ZNF778: variants seen among roughly 807,000 people sequenced by gnomAD.
ZNF778 encodes zinc finger protein 778.
In ZNF778, 37 loss-of-function variants were observed where a neutral mutation model predicts 23.9. The ratio of observed to expected loss-of-function variants is 1.54; its 90% CI spans 1.19 to 2.03. The LOEUF is 2.03. ZNF778 is among the 30% of genes most tolerant of loss of function. The pLI, the probability that ZNF778 is intolerant of heterozygous loss-of-function variation, is 0.00. For synonymous variants in ZNF778, 483 were observed against 343.9 expected, an observed-to-expected ratio of 1.40 and a Z score of -4.48; for missense variants, 1,297 against 934.4, an observed-to-expected ratio of 1.39 and a Z score of -5.06.
rs1330443605 is a variant in ZNF778, at chr16:89,232,035, A to G, written c.*3473A>G. The G allele has an allele frequency of 6.5e-6, 1 of 154,034 alleles. No individual in the cohort carries two copies. Among genetic ancestry groups the G allele is most frequent in the African/African-American group, 2.4e-5 (1 of 41,314 alleles). 9.5% of individuals were successfully genotyped at this position (154,034 alleles called of 1,614,324 possible). A position where few individuals can be genotyped will look rare whatever the true frequency, so the allele number is the denominator to read the frequency against. On this transcript the variant is annotated 3_prime_UTR_variant, in exon 7 of 7. Transcript: ENST00000433976. The stretch of plus-strand genomic sequence containing the variant: ...AAGTGATTTTCTTGAGTAATACCAT[A>G]TGCTGTGATGTGGATGTGATTGGTT...
In ZNF778 at chr16:89,233,011, G is replaced by A. The variant is rs979989056; in HGVS notation, c.*4449G>A. 4.9e-5 allele frequency: 62 copies of A among 1,272,160 alleles called. 1 individual carries two copies. Among genetic ancestry groups the A allele is most frequent in the African/African-American group, 9.3e-5 (6 of 64,282 alleles). The allele number at this position is 1,272,160 out of a possible 1,614,324, so 78.8% of individuals were successfully genotyped here. ...GCGTATGCAACCCAGCTCGCTCTGC[G>A]TATGCAACTCAAGTCGCACTGCGTA... On this transcript the variant is annotated 3_prime_UTR_variant, in exon 7 of 7. Transcript: ENST00000433976.
chr16:89,227,762 C>T lies in ZNF778; in HGVS notation c.1474C>T (p.Leu492=). The T allele has an allele frequency of 1.2e-6, 2 of 1,613,118 alleles. No individual in the cohort carries two copies. The highest frequency in any genetic ancestry group is 1.7e-6 in the Non-Finnish European group (2 of 1,179,220). Residue 492 remains leucine, a synonymous_variant, in exon 7 of 7, where the codon CTG becomes TTG. Coordinates refer to ENST00000433976, the MANE Select transcript of ZNF778 (RefSeq NM_001201407.2). ...GAAATCCTTCACTGTTTCTTCAAGCCTGACTGAGCACGCGAGAATCCATAC... is the reference window on the plus strand; with the variant it reads ...GAAATCCTTCACTGTTTCTTCAAGCTTGACTGAGCACGCGAGAATCCATAC... ...CGKSFTVSSS[L]TEHARIHTGE...
chr16:89,228,587 A>C lies in ZNF778; in HGVS notation c.*25A>C, dbSNP rs775321047. The C allele has an allele frequency of 1.9e-5, 29 of 1,543,528 alleles. No individual in the cohort carries two copies. The highest frequency in any genetic ancestry group is 2.3e-5 in the Non-Finnish European group (26 of 1,151,378). On this transcript the variant is annotated 3_prime_UTR_variant, in exon 7 of 7. Coordinates refer to ENST00000433976, the MANE Select transcript of ZNF778 (RefSeq NM_001201407.2). ...ATGTAAAGAATGTGGGGAAGCTGTC[A>C]GCTACACTCATTCACGTTGAAGACA...
At chr16:89,226,387 T>C (rs1597358223) in intron 6 of ZNF778, among the ~76,000 whole-genome samples, 1 of 152,196 alleles carries the variant, frequency 6.6e-6, no homozygotes, top group African/African-American at 2.4e-5. Flanking sequence ...GTATTTTTAA[T>C]AGAGACGGGG....
intron 3 of ZNF778, among the ~76,000 whole-genome samples, chr16:89,222,937 C>G (rs556749972): frequency 7.0e-6 from 1 of 142,792 alleles, no homozygotes; most frequent in Non-Finnish European, 1.5e-5. Context: ...AGGAGCGCGA[C>G]AGGGCACGCG....
At chr16:89,224,518 C>G in intron 4 of ZNF778, 1 of 475,642 alleles carries the variant, frequency 2.1e-6, no homozygotes, top group South Asian at 2.4e-5. Context: ...ACTTAGGAGG[C>G]TGAGGCAAGA....
rs757507202 is a variant in ZNF778 at position 89,226,719 on chromosome 16, T to C, written c.431T>C (p.Leu144Pro). ...QTARSHNGGQ[L>P]CDRTQCGEAF... Reference sequence around the variant, plus strand: ...GCAAGAAGCCACAATGGAGGGCAGCTCTGTGACCGCACGCAGTGTGGAGAA... The same window carrying C: ...GCAAGAAGCCACAATGGAGGGCAGCCCTGTGACCGCACGCAGTGTGGAGAA... Residue 144 changes from leucine to proline, a missense_variant, in exon 7 of 7, where the codon CTC becomes CCC. Coordinates refer to ENST00000433976, the MANE Select transcript of ZNF778 (RefSeq NM_001201407.2). 3.1e-6 allele frequency: 5 copies of C among 1,612,916 alleles called. No individual in the cohort carries two copies. Among genetic ancestry groups the C allele is most frequent in the Non-Finnish European group, 4.2e-6 (5 of 1,179,124 alleles).
rs61078268 is a variant in ZNF778, at chr16:89,232,792, C to G, written c.*4230C>G. On this transcript the variant is annotated 3_prime_UTR_variant, in exon 7 of 7. Transcript: ENST00000433976. ...TACAAATCAACTCACTGCATATGCA[C>G]ATCAACTCACTGCATATGCAACTCA... 150 of 1,272,586 alleles carry G rather than the reference C, an allele frequency of 1.2e-4. 1 individual carries two copies. The South Asian group carries it at 1.6e-3, about 13-fold the overall frequency. 78.8% of individuals were successfully genotyped at this position (1,272,586 alleles called of 1,614,324 possible). A position where few individuals can be genotyped will look rare whatever the true frequency, so the allele number is the denominator to read the frequency against.
chr16:89,225,785 G>A (rs1211398189), intron 6 of ZNF778, among the ~76,000 whole-genome samples, 154 bp downstream of exon 6: 1 of 152,194 alleles, frequency 6.6e-6, no homozygotes, highest in African/African-American at 2.4e-5. Flanking sequence ...TGCGGAATTT[G>A]GGAGGACCTC....
rs1473502727 is a variant in ZNF778, at chr16:89,222,095, G to A, written c.29G>A (p.Gly10Asp). The change falls in exon 3 of 7, where the codon GGT becomes GAT. Residue 10 changes from glycine to aspartate, a missense_variant. By Grantham distance (94) the Gly-to-Asp change is moderately conservative. Coordinates refer to ENST00000433976, the MANE Select transcript of ZNF778 (RefSeq NM_001201407.2). MAAPDLAHG[G>D]HVSRDSVCLH... ...TCTTGCCTTCTTTGTTTTTTAGGAG[G>A]TCATGTTTCTAGGGACTCAGTCTGC... is the stretch of plus-strand genomic sequence containing the variant. The A allele has an allele frequency of 1.9e-6, 3 of 1,593,722 alleles. No individual in the cohort carries two copies. Among genetic ancestry groups the A allele is most frequent in the African/African-American group, 1.4e-5 (1 of 74,072 alleles).
rs1271246527 is a variant in ZNF778, at chr16:89,230,840, C to T, written c.*2278C>T. ...ATCCTGGATGGACAGACCCGTGCAC[C>T]TTCATATTACGTGTTTGAAATCCTG... On this transcript the variant is annotated 3_prime_UTR_variant, in exon 7 of 7. Coordinates refer to ENST00000433976, the MANE Select transcript of ZNF778 (RefSeq NM_001201407.2). The T allele has an allele frequency of 6.6e-6, 1 of 152,236 alleles. No homozygotes were observed. The highest frequency in any genetic ancestry group is 6.5e-5 in the Admixed American group (1 of 15,274). 9.4% of individuals were successfully genotyped at this position (152,236 alleles called of 1,614,324 possible). A position where few individuals can be genotyped will look rare whatever the true frequency, so the allele number is the denominator to read the frequency against.
rs1281554697 is a variant in ZNF778 at position 89,230,202 on chromosome 16, C to G, written c.*1640C>G. On this transcript the variant is annotated 3_prime_UTR_variant, in exon 7 of 7. Coordinates refer to ENST00000433976, the MANE Select transcript of ZNF778 (RefSeq NM_001201407.2). The stretch of plus-strand genomic sequence containing the variant: ...ATACCTGATCCCTTCAGATAAAACA[C>G]CAGGGTGCAAGGAGGGGCAGAGTGG... 2.6e-6 allele frequency: 1 copy of G among 386,396 alleles called. No individual in the cohort carries two copies. Among genetic ancestry groups the G allele is most frequent in the Non-Finnish European group, 3.5e-6 (1 of 282,824 alleles). The allele number at this position is 386,396 out of a possible 1,614,324, so 23.9% of individuals were successfully genotyped here.
At chr16:89,224,633 AAAAG>A (rs1003575955) in intron 4 of ZNF778, 82 bp from the exon 5 acceptor site, 2 of 1,005,292 alleles carry the variant, frequency 2.0e-6, no homozygotes, top group Non-Finnish European at 3.0e-6. Flanking sequence ...AATAATAAAA[AAAAG>A]GAAATGTAGT....
At position 89,219,351 on chromosome 16, in the gene ZNF778, C is replaced by T. The variant is rs75135391; in HGVS notation, c.-132+1441C>T. Among the ~76,000 whole-genome samples the T allele has an allele frequency of 6.6e-4, 100 of 152,284 alleles. 1 individual carries two copies. The East Asian group carries it at 0.018, about 28-fold the overall frequency. ...CGTTTAAATATTCCTCCATTTCTTG[C>T]TGCTTCCTATGAACTTGTAATTGAA... On this transcript the variant is annotated intron_variant, in intron 1 of 6. Transcript: ENST00000433976.
In ZNF778 at chr16:89,228,353, C is replaced by T; in HGVS notation, c.2065C>T (p.His689Tyr). Residue 689 changes from histidine to tyrosine, a missense_variant, in exon 7 of 7, where the codon CAT (histidine) becomes TAT (tyrosine). By Grantham distance (83) the His-to-Tyr change is moderately conservative. Transcript: ENST00000433976. ...GKAFRASSHL[H>Y]KHGRIHTGQK... ...AGCCTTCCGTGCCTCCTCTCACCTG[C>T]ATAAACATGGAAGAATTCACACTGG... The T allele has an allele frequency of 5.6e-6, 9 of 1,613,482 alleles. No individual in the cohort carries two copies. The highest frequency in any genetic ancestry group is 7.6e-6 in the Non-Finnish European group (9 of 1,179,654).
intron 1 of ZNF778, among the ~76,000 whole-genome samples, chr16:89,218,999 C>G (rs1481164482): frequency 6.6e-6 from 1 of 151,762 alleles, no homozygotes; most frequent in East Asian, 1.9e-4. Context: ...CCCAGCTAGT[C>G]GGGAGGCTGA....
chr16:89,218,418 C>G (rs1166636467), intron 1 of ZNF778: 2 of 152,224 alleles, frequency 1.3e-5, no homozygotes, highest in African/African-American at 2.4e-5. Flanking sequence ...GATACTTAAC[C>G]TTTAAATACT....
intron 1 of ZNF778, 126 bp downstream of exon 1, chr16:89,218,036 C>T (rs527972250): frequency 3.3e-5 from 5 of 152,340 alleles, no homozygotes; most frequent in African/African-American, 1.2e-4. Flanking sequence ...GTAAGGTAGA[C>T]CCCTGAGCGC....
At chr16:89,224,278 C>T (rs1407010508) in intron 4 of ZNF778, among the ~76,000 whole-genome samples, 1 of 152,068 alleles carries the variant, frequency 6.6e-6, no homozygotes, top group Non-Finnish European at 1.5e-5. Context: ...TGCCTGTAAT[C>T]CCAGCACTTT....
Sources: allele counts gnomAD v4.1 joint callset (sites outside exome capture counted in the v4.1 genomes callset), GRCh38; gene constraint gnomAD v4.1.1; transcripts MANE v1.5; gene names NCBI Gene and HGNC (gene_info 2026-07-23, HGNC 2026-07-21).